Variants in CACNA2D3 observed in about 807,000 individuals in gnomAD.
CACNA2D3 encodes voltage-dependent calcium channel subunit alpha-2/delta-3.
CACNA2D3 carries 60 observed loss-of-function variants against 160.6 expected under a neutral mutation model. The observed-to-expected ratio is 0.37, with a 90% confidence interval of 0.30 to 0.46. CACNA2D3 has a LOEUF of 0.46. CACNA2D3 is among the 20% of genes least tolerant of loss of function. The pLI, the probability that CACNA2D3 is intolerant of heterozygous loss-of-function variation, is 1.00. For synonymous variants in CACNA2D3, 558 were observed against 492.9 expected (o/e 1.13, Z -1.75); for missense variants, 1,205 against 1,365.0 (o/e 0.88, Z 1.85).
At chr3:54,284,767 AT>A (rs1702967875) in intron 2 of CACNA2D3, among the ~76,000 whole-genome samples, 1 of 152,206 alleles carries the variant, frequency 6.6e-6, no homozygotes, top group South Asian at 2.1e-4. Context: ...ACGGATATTC[AT>A]TGCAGCATTG....
At chr3:54,695,407 A>C (rs1419658091) in intron 11 of CACNA2D3, among the ~76,000 whole-genome samples, 1 of 151,464 alleles carries the variant, frequency 6.6e-6, no homozygotes, top group African/African-American at 2.4e-5. Flanking sequence ...TTTTTTTTTA[A>C]ACCATCATCT....
At chr3:55,053,544 T>C (rs1220372966) in intron 35 of CACNA2D3, among the ~76,000 whole-genome samples, 1 of 152,008 alleles carries the variant, frequency 6.6e-6, no homozygotes, top group Non-Finnish European at 1.5e-5. Flanking sequence ...TAAATCTGAA[T>C]ATTTTTATGC....
rs1704899471 is a variant in CACNA2D3 at position 55,074,313 on chromosome 3, T to TCCAA, written c.*111_*114dup. 2.3e-6 allele frequency: 2 copies of TCCAA among 855,988 alleles called. No individual in the cohort carries two copies. Among genetic ancestry groups the TCCAA allele is most frequent in the Admixed American group, 1.8e-5 (1 of 56,242 alleles). 53.0% of individuals were successfully genotyped at this position (855,988 alleles called of 1,614,324 possible). A position where few individuals can be genotyped will look rare whatever the true frequency, so the allele number is the denominator to read the frequency against. ...TGCAACATACGAGACATGAATATAG[T>TCCAA]CCAACCATCAGCATCTCATCATGAT... is the stretch of plus-strand genomic sequence containing the variant. On this transcript the variant is annotated 3_prime_UTR_variant, in exon 38 of 38. Transcript: ENST00000474759.
At chr3:54,918,362 T>TTG in intron 27 of CACNA2D3, 1 of 583,222 alleles carries the variant, frequency 1.7e-6, no homozygotes, top group Non-Finnish European at 2.5e-6. Flanking sequence ...TTTTGTCTTT[T>TTG]GGCAAAAGCA....
At chr3:54,975,722 T>G (rs1702376378) in intron 29 of CACNA2D3, among the ~76,000 whole-genome samples, 1 of 151,996 alleles carries the variant, frequency 6.6e-6, no homozygotes, top group South Asian at 2.1e-4. Flanking sequence ...ATGGACATAT[T>G]TTTTTCTTCC....
intron 5 of CACNA2D3, among the ~76,000 whole-genome samples, chr3:54,525,264 T>C (rs758114583): frequency 3.3e-5 from 5 of 152,184 alleles, no homozygotes. Context: ...TCATGCCGTT[T>C]TTGGCAAATA....
At chr3:54,965,199 A>G (rs1177128170) in intron 27 of CACNA2D3, among the ~76,000 whole-genome samples, 1 of 151,834 alleles carries the variant, frequency 6.6e-6, no homozygotes, top group Non-Finnish European at 1.5e-5. Context: ...AACTTTATTT[A>G]CAAAAAGAGG....
intron 4 of CACNA2D3, among the ~76,000 whole-genome samples, chr3:54,410,085 T>C (rs1699640335): frequency 6.6e-6 from 1 of 152,140 alleles, no homozygotes; most frequent in South Asian, 2.1e-4. Context: ...GTGTGGTGGC[T>C]CACACCTGTA....
chr3:54,719,575 G>A (rs1045110068), intron 11 of CACNA2D3, among the ~76,000 whole-genome samples: 5 of 151,974 alleles, frequency 3.3e-5, no homozygotes, highest in African/African-American at 1.2e-4. Flanking sequence ...AGATCTTTGT[G>A]TCTGTGTCAA....
chr3:54,384,876 C>T (rs1371918458), intron 3 of CACNA2D3, among the ~76,000 whole-genome samples: 4 of 152,028 alleles, frequency 2.6e-5, no homozygotes, highest in African/African-American at 9.7e-5. Flanking sequence ...TGTGCCACCA[C>T]GCCTGGCTAA....
At chr3:54,441,998 G>A (rs1700152268) in intron 4 of CACNA2D3, among the ~76,000 whole-genome samples, 1 of 152,088 alleles carries the variant, frequency 6.6e-6, no homozygotes, top group African/African-American at 2.4e-5. Flanking sequence ...AGAGATGGAG[G>A]TCTTACGACT....
At chr3:54,869,474 G>A (rs1393346168) in intron 17 of CACNA2D3, among the ~76,000 whole-genome samples, 2 of 152,204 alleles carry the variant, frequency 1.3e-5, no homozygotes, top group African/African-American at 2.4e-5. Context: ...TACAATAAAT[G>A]TGCATTGAAT....
At chr3:54,850,904 G>T (rs1699044353) in intron 17 of CACNA2D3, among the ~76,000 whole-genome samples, 3 of 152,186 alleles carry the variant, frequency 2.0e-5, no homozygotes, top group Non-Finnish European at 4.4e-5. Context: ...GAGATGGGAG[G>T]TAAAAATGAT....
intron 9 of CACNA2D3, among the ~76,000 whole-genome samples, chr3:54,602,676 T>C (rs1350076176): frequency 6.6e-6 from 1 of 152,158 alleles, no homozygotes; most frequent in African/African-American, 2.4e-5. Flanking sequence ...AAATATGTTC[T>C]CTTTTCTACC....
At chr3:54,230,334 T>A (rs760446236) in intron 2 of CACNA2D3, among the ~76,000 whole-genome samples, 3 of 152,198 alleles carry the variant, frequency 2.0e-5, no homozygotes, top group Non-Finnish European at 4.4e-5. Flanking sequence ...GATTTGAAGT[T>A]TGTGTAATTC....
chr3:54,854,630 G>A (rs1699127298), intron 17 of CACNA2D3, among the ~76,000 whole-genome samples: 2 of 152,118 alleles, frequency 1.3e-5, no homozygotes, highest in Non-Finnish European at 1.5e-5. Flanking sequence ...CACGGGTCTC[G>A]GGCCAGGCCT....
intron 3 of CACNA2D3, among the ~76,000 whole-genome samples, chr3:54,363,035 A>G (rs1698769402): frequency 1.3e-5 from 2 of 151,988 alleles, no homozygotes; most frequent in African/African-American, 2.4e-5. Context: ...TCTCTACTAA[A>G]ATACAAAAAA....
chr3:54,787,253 T>C (rs1702658896), intron 13 of CACNA2D3, among the ~76,000 whole-genome samples: 1 of 152,268 alleles, frequency 6.6e-6, no homozygotes, highest in South Asian at 2.1e-4. Flanking sequence ...TCTGATTCTG[T>C]TGGTGTAAAC....
intron 17 of CACNA2D3, among the ~76,000 whole-genome samples, chr3:54,850,869 A>G (rs904938499): frequency 3.3e-5 from 5 of 152,218 alleles, no homozygotes; most frequent in Non-Finnish European, 5.9e-5. Context: ...TGCCAGTCAC[A>G]TGGGTCACAT....
Sources: gnomAD v4.1 joint callset for allele counts (sites outside exome capture counted in the v4.1 genomes callset) on GRCh38, gnomAD v4.1.1 for gene constraint, MANE v1.5 for transcripts, NCBI Gene and HGNC (gene_info 2026-07-23, HGNC 2026-07-21) for gene names.